Variants in TMOD1 observed in about 807,000 individuals in gnomAD.
The protein encoded by TMOD1 is tropomodulin-1.
TMOD1 carries 17 observed loss-of-function variants against 40.6 expected under a neutral mutation model. The ratio of observed to expected loss-of-function variants is 0.42; its 90% CI spans 0.29 to 0.63. The LOEUF (loss-of-function observed/expected upper bound fraction) is 0.63. TMOD1 is among the 20% of genes least tolerant of loss of function. TMOD1 has a pLI of 0.22. For synonymous variants in TMOD1, 181 were observed against 175.0 expected (o/e 1.03, Z -0.27); for missense variants, 391 against 447.6 (o/e 0.87, Z 1.14).
At chr9:97,595,191 T>G (rs1826082786) in intron 9 of TMOD1, among the ~76,000 whole-genome samples, 1 of 152,252 alleles carries the variant, frequency 6.6e-6, no homozygotes, top group Non-Finnish European at 1.5e-5. Context: ...TTAAATTAAG[T>G]GAATTAGCAT....
intron 4 of TMOD1, among the ~76,000 whole-genome samples, chr9:97,559,823 A>G (rs74419016): frequency 1.6e-5 from 1 of 63,290 alleles, no homozygotes; most frequent in African/African-American, 6.2e-5. Flanking sequence ...ATATATATAT[A>G]TGTCTATCTA....
chr9:97,571,000 C>T lies in TMOD1; in HGVS notation c.870+1963C>T, dbSNP rs144170991. Among the ~76,000 whole-genome samples, 514 of 152,320 alleles carry T rather than the reference C, an allele frequency of 3.4e-3. 1 individual carries two copies. Among genetic ancestry groups the T allele is most frequent in the African/African-American group, 0.012 (492 of 41,558 alleles). ...TGCTGCTGCCTCGCTCATTCTCAGGCCCTCCCCACCCCTACCCCTTCTGCG... is the reference window on the plus strand; with the variant it reads ...TGCTGCTGCCTCGCTCATTCTCAGGTCCTCCCCACCCCTACCCCTTCTGCG... On this transcript the variant is annotated intron_variant, in intron 8 of 9. Transcript: ENST00000259365.
rs530462777 is a variant in TMOD1 at position 97,562,655 on chromosome 9, G to A, written c.398-77G>A. On this transcript the variant is annotated intron_variant, in intron 4 of 9. Transcript: ENST00000259365. The stretch of plus-strand genomic sequence containing the variant: ...GCCATTTCTGTGAGCCAGAGTTCCC[G>A]GGGTTTGGAGTGTGGGTCCCTAGGA... 13 of 1,053,226 alleles carry A rather than the reference G, an allele frequency of 1.2e-5. No homozygotes were observed. The South Asian group carries it at 1.9e-4, about 15-fold the overall frequency. 65.2% of individuals were successfully genotyped at this position (1,053,226 alleles called of 1,614,324 possible).
intron 8 of TMOD1, among the ~76,000 whole-genome samples, chr9:97,576,315 C>T (rs999992450): frequency 2.0e-5 from 3 of 152,096 alleles, no homozygotes; most frequent in Admixed American, 1.3e-4. Flanking sequence ...CATGGTGGCA[C>T]GTGCCTGTAG....
intron 9 of TMOD1, among the ~76,000 whole-genome samples, chr9:97,597,383 C>T (rs1163618654): frequency 2.6e-5 from 4 of 152,210 alleles, no homozygotes; most frequent in African/African-American, 9.6e-5. Flanking sequence ...TTTCCCTTCT[C>T]TCCATCCAGT....
chr9:97,566,096 G>A lies in TMOD1; in HGVS notation c.726+141G>A. 8.0e-6 allele frequency: 5 copies of A among 622,256 alleles called. No homozygotes were observed. The South Asian group carries it at 1.2e-4, about 15-fold the overall frequency. The allele number at this position is 622,256 out of a possible 1,614,324, so 38.5% of individuals were successfully genotyped here. A position where few individuals can be genotyped will look rare whatever the true frequency, so the allele number is the denominator to read the frequency against. ...TGGAAGGCATTGGACCAGGAGCCAT[G>A]AGGGGTGTAGAGGGAACAGCCATCA... On this transcript the variant is annotated intron_variant, in intron 7 of 9. Coordinates refer to ENST00000259365, the MANE Select transcript of TMOD1 (RefSeq NM_003275.4).
chr9:97,554,000 T>C (rs1404556216), intron 4 of TMOD1, among the ~76,000 whole-genome samples: 1 of 152,208 alleles, frequency 6.6e-6, no homozygotes, highest in Non-Finnish European at 1.5e-5. Context: ...ACTTCTCTGC[T>C]GCTCCTGTCT....
intron 9 of TMOD1, among the ~76,000 whole-genome samples, chr9:97,596,626 G>C: frequency 6.6e-6 from 1 of 152,186 alleles, no homozygotes; most frequent in East Asian, 1.9e-4. Context: ...CAGTGCCTGG[G>C]TGCTCCACAT....
In TMOD1 at chr9:97,502,028, G is replaced by A. The variant is rs948714063; in HGVS notation, c.-49+225G>A. On this transcript the variant is annotated intron_variant, in intron 1 of 9. Transcript: ENST00000259365. This position sits in a 1 kb window ranked among gnomAD's most constrained non-coding sequence, Gnocchi z 6.1. ...CCAGCGCTCCCGTCCCCGCCTCCCC[G>A]CGCGCGCAGCCCTGGCCAGGGCGCC... Among the ~76,000 whole-genome samples, 2 of 152,034 alleles carry A rather than the reference G, an allele frequency of 1.3e-5. No homozygotes were observed. Among genetic ancestry groups the A allele is most frequent in the Non-Finnish European group, 2.9e-5 (2 of 67,972 alleles).
intron 1 of TMOD1, chr9:97,517,646 C>T (rs1423838931): frequency 6.5e-6 from 1 of 152,790 alleles, no homozygotes. Flanking sequence ...TAGCAGGCCC[C>T]ACACGGGAGA....
chr9:97,586,746 CG>C (rs58631124), intron 8 of TMOD1, among the ~76,000 whole-genome samples: 1,582 of 151,180 alleles, frequency 0.01, 25 homozygotes, highest in African/African-American at 0.037. Flanking sequence ...GCGCAGTATT[CG>C]GGTGGGAGTG....
At chr9:97,547,332 G>T (rs1458394101) in intron 3 of TMOD1, among the ~76,000 whole-genome samples, 1 of 152,046 alleles carries the variant, frequency 6.6e-6, no homozygotes, top group African/African-American at 2.4e-5. Context: ...CTGCTGCCCA[G>T]CTCCATGCTG....
At chr9:97,595,155 T>C (rs562426274) in intron 9 of TMOD1, among the ~76,000 whole-genome samples, 2 of 152,382 alleles carry the variant, frequency 1.3e-5, no homozygotes, top group South Asian at 2.1e-4. Flanking sequence ...AGTGCTGTTA[T>C]GATTTATGAA....
intron 1 of TMOD1, among the ~76,000 whole-genome samples, chr9:97,521,572 T>C (rs752307754): frequency 6.6e-6 from 1 of 152,212 alleles, no homozygotes; most frequent in Non-Finnish European, 1.5e-5. Flanking sequence ...GGAAGGTTTT[T>C]TCGTCGATAC....
chr9:97,590,262 C>T (rs1245634246), intron 8 of TMOD1, among the ~76,000 whole-genome samples: 2 of 151,824 alleles, frequency 1.3e-5, no homozygotes, highest in Non-Finnish European at 1.5e-5. Flanking sequence ...CTCGCTCTGT[C>T]GCCTGGGCTG....
intron 2 of TMOD1, among the ~76,000 whole-genome samples, chr9:97,533,148 T>A (rs567070697): frequency 1.1e-3 from 164 of 152,368 alleles, no homozygotes; most frequent in African/African-American, 3.7e-3. Context: ...CTTATTTAAA[T>A]GCACAGACCA....
At chr9:97,554,869 G>A (rs1169037192) in intron 4 of TMOD1, among the ~76,000 whole-genome samples, 5 of 152,174 alleles carry the variant, frequency 3.3e-5, no homozygotes, top group Non-Finnish European at 1.5e-5. Flanking sequence ...GGATGTGCAG[G>A]GGCAGTGAGA....
At chr9:97,570,916 G>A (rs1830808039) in intron 8 of TMOD1, among the ~76,000 whole-genome samples, 1 of 152,262 alleles carries the variant, frequency 6.6e-6, no homozygotes, top group Non-Finnish European at 1.5e-5. Flanking sequence ...GCTGGCAGCA[G>A]CCGTGTCACG....
chr9:97,595,442 C>G (rs1175276483), intron 9 of TMOD1, among the ~76,000 whole-genome samples: 1 of 151,862 alleles, frequency 6.6e-6, no homozygotes, highest in Non-Finnish European at 1.5e-5. Context: ...GTTTTAGATT[C>G]CACATATAAT....
Sources: gnomAD v4.1 joint callset for allele counts (sites outside exome capture counted in the v4.1 genomes callset) on GRCh38, gnomAD v4.1.1 for gene constraint, Gnocchi (gnomAD v3.1) non-coding constraint, MANE v1.5 for transcripts, NCBI Gene and HGNC (gene_info 2026-07-23, HGNC 2026-07-21) for gene names.